RBFOX1: variants seen among roughly 807,000 people sequenced by gnomAD.
RBFOX1 encodes the protein RNA binding fox-1 homolog 1, also known as RNA binding protein fox-1 homolog 1.
In RBFOX1, 8 loss-of-function variants were observed where a neutral mutation model predicts 57.7. The observed-to-expected ratio is 0.14, with a 90% confidence interval of 0.08 to 0.25. RBFOX1 has a LOEUF of 0.25. Ranked by LOEUF, RBFOX1 falls within the 10% of genes least tolerant of loss-of-function variation. The pLI, the probability that RBFOX1 is intolerant of heterozygous loss-of-function variation, is 1.00. For synonymous variants in RBFOX1, 326 were observed against 222.4 expected, an observed-to-expected ratio of 1.47 and a Z score of -4.15; for missense variants, 611 against 548.5, an observed-to-expected ratio of 1.11 and a Z score of -1.14.
At chr16:7,487,933 G>A (rs1171381190) in intron 4 of RBFOX1, among the ~76,000 whole-genome samples, 2 of 152,154 alleles carry the variant, frequency 1.3e-5, no homozygotes, top group Admixed American at 6.5e-5. Context: ...TCTGCTCAGG[G>A]ATTCCCACTC....
chr16:6,161,281 C>T (rs1422133376), intron 1 of RBFOX1, among the ~76,000 whole-genome samples: 1 of 151,656 alleles, frequency 6.6e-6, no homozygotes, highest in East Asian at 1.9e-4. Flanking sequence ...CCCAGCTACT[C>T]AGGGGGCTAA....
rs746558698 is a variant in RBFOX1, at chr16:7,463,732, G to A, written c.28-54415G>A. 7.2e-5 allele frequency among the ~76,000 whole-genome samples: 11 copies of A among 152,232 alleles called. No homozygotes were observed. In the South Asian group the frequency reaches 1.0e-3, roughly 14 times the overall value. On this transcript the variant is annotated intron_variant, in intron 4 of 15. Coordinates refer to ENST00000550418, the MANE Select transcript of RBFOX1 (RefSeq NM_018723.4). ...AGGGCATGGGAATATTTGGGGGGCC[G>A]TTCTGCCTACTACAATGATCTCATC... is the stretch of plus-strand genomic sequence containing the variant.
Position 5,659,343 on chromosome 16 carries a change from G to A in RBFOX1, c.318+60382G>A, listed in dbSNP as rs185926328. Among the ~76,000 whole-genome samples, 195 of 138,896 alleles carry A rather than the reference G, an allele frequency of 1.4e-3. 2 individuals are homozygous for A. Among genetic ancestry groups the A allele is most frequent in the Admixed American group, 2.7e-3 (34 of 12,714 alleles). 91.1% of individuals were successfully genotyped at this position (138,896 alleles called of 152,430 possible). Reference sequence around the variant, plus strand: ...TTTTGAGATGGAGTCTCACTCTGTCGCCCAGGCTGGAGTGCAGTGGCGCCA... The same window carrying A: ...TTTTGAGATGGAGTCTCACTCTGTCACCCAGGCTGGAGTGCAGTGGCGCCA... On this transcript the variant is annotated intron_variant, in intron 3 of 19. Coordinates refer to the RBFOX1 transcript ENST00000641259.
At chr16:7,385,329 C>CT (rs1358931378) in intron 4 of RBFOX1, among the ~76,000 whole-genome samples, 7 of 152,070 alleles carry the variant, frequency 4.6e-5, no homozygotes, top group Admixed American at 6.6e-5. Flanking sequence ...GTGGTTTGAA[C>CT]TGGAAGGTGG....
chr16:6,577,640 G>A (rs1339778250), intron 2 of RBFOX1, among the ~76,000 whole-genome samples: 4 of 152,162 alleles, frequency 2.6e-5, no homozygotes, highest in African/African-American at 4.8e-5. Flanking sequence ...TTTACTCTTA[G>A]GAACCCACCA....
chr16:5,554,362 G>A (rs1284927169), intron 2 of RBFOX1, among the ~76,000 whole-genome samples: 1 of 151,894 alleles, frequency 6.6e-6, no homozygotes, highest in Non-Finnish European at 1.5e-5. Context: ...GTATATTTCT[G>A]TAAAAAATGC....
At chr16:5,465,682 C>G (rs982100492) in intron 1 of RBFOX1, among the ~76,000 whole-genome samples, 1 of 152,218 alleles carries the variant, frequency 6.6e-6, no homozygotes, top group African/African-American at 2.4e-5. Flanking sequence ...CATCTAAGAA[C>G]TATAACAAAC....
intron 3 of RBFOX1, among the ~76,000 whole-genome samples, chr16:5,654,398 G>C (rs1010277494): frequency 1.3e-5 from 2 of 152,116 alleles, no homozygotes; most frequent in African/African-American, 4.8e-5. Context: ...ATGGAAATTA[G>C]CAAACATTTC....
In RBFOX1 at chr16:6,985,565, C is replaced by T. The variant is rs546643040; in HGVS notation, c.-15-66492C>T. 4.3e-4 allele frequency among the ~76,000 whole-genome samples: 65 copies of T among 152,260 alleles called. 1 individual carries two copies. The highest frequency in any genetic ancestry group is 1.2e-3 in the South Asian group (6 of 4,818). ...AGACAGGGCTGGGAGCAGTGGCTCA[C>T]GCCTGTAATCCCAGCACTTTGGGAG... On this transcript the variant is annotated intron_variant, in intron 3 of 15. Coordinates refer to ENST00000550418, the MANE Select transcript of RBFOX1 (RefSeq NM_018723.4).
At chr16:6,171,092 C>T (rs113988007) in intron 1 of RBFOX1, among the ~76,000 whole-genome samples, 1 of 152,140 alleles carries the variant, frequency 6.6e-6, no homozygotes, top group African/African-American at 2.4e-5. Flanking sequence ...TTAAATTCTT[C>T]TGGGTATATA....
At position 5,533,899 on chromosome 16, in the gene RBFOX1, T is replaced by C. The variant is rs182177974; in HGVS notation, c.259-65003T>C. The stretch of plus-strand genomic sequence containing the variant: ...AGGGGTGTTGGTCAGAATTCTAAGA[T>C]GCAAGCAACAGAAAGTGACTGGGGG... On this transcript the variant is annotated intron_variant, in intron 2 of 2. Coordinates refer to the RBFOX1 transcript ENST00000585867. Among the ~76,000 whole-genome samples, 330 of 152,178 alleles carry C rather than the reference T, an allele frequency of 2.2e-3. 3 individuals carry two copies. The highest frequency in any genetic ancestry group is 3.6e-3 in the Non-Finnish European group (247 of 68,002).
chr16:6,357,269 A>G (rs1298007000), intron 2 of RBFOX1, among the ~76,000 whole-genome samples: 1 of 152,100 alleles, frequency 6.6e-6, no homozygotes, highest in Non-Finnish European at 1.5e-5. Context: ...AACAGAGAAG[A>G]AAAATGGTGC....
intron 4 of RBFOX1, among the ~76,000 whole-genome samples, chr16:7,387,567 A>T (rs1382498459): frequency 6.6e-6 from 1 of 152,198 alleles, no homozygotes; most frequent in Non-Finnish European, 1.5e-5. Context: ...TCAAACTGTG[A>T]AATAAATCCA....
chr16:6,745,699 A>C (rs905506063), intron 3 of RBFOX1, among the ~76,000 whole-genome samples: 2 of 152,238 alleles, frequency 1.3e-5, no homozygotes, highest in African/African-American at 4.8e-5. Context: ...ATGCTTAATG[A>C]GGAAATACTG....
intron 1 of RBFOX1, among the ~76,000 whole-genome samples, chr16:5,304,013 T>C (rs1005776286): frequency 6.6e-6 from 1 of 152,232 alleles, no homozygotes; most frequent in Non-Finnish European, 1.5e-5. Context: ...TATGAGATTA[T>C]AGCTTTGATC....
At chr16:7,090,455 G>C (rs761683666) in intron 4 of RBFOX1, among the ~76,000 whole-genome samples, 3 of 152,056 alleles carry the variant, frequency 2.0e-5, no homozygotes, top group Non-Finnish European at 2.9e-5. Context: ...GTATTTGAAA[G>C]GTAAAGAAAT....
chr16:5,847,371 T>TG (rs368600933), intron 3 of RBFOX1, among the ~76,000 whole-genome samples: 110 of 128,838 alleles, frequency 8.5e-4, no homozygotes, highest in African/African-American at 1.5e-3. Flanking sequence ...AAAATGGGGG[T>TG]GGGGGGGGAA....
chr16:5,410,827 G>T (rs886486388), intron 1 of RBFOX1, among the ~76,000 whole-genome samples: 1 of 152,214 alleles, frequency 6.6e-6, no homozygotes, highest in Non-Finnish European at 1.5e-5. Flanking sequence ...GAAAGTACTT[G>T]AAGCTAGACA....
chr16:7,657,269 A>C (rs771940359), intron 12 of RBFOX1, among the ~76,000 whole-genome samples: 4 of 152,150 alleles, frequency 2.6e-5, no homozygotes, highest in Non-Finnish European at 4.4e-5. Flanking sequence ...ACACCAGTAG[A>C]GTCCCTAAGG....
Sources: gnomAD v4.1 joint callset for allele counts (sites outside exome capture counted in the v4.1 genomes callset) on GRCh38, gnomAD v4.1.1 for gene constraint, MANE v1.5 for transcripts, NCBI Gene and HGNC (gene_info 2026-07-23, HGNC 2026-07-21) for gene names.